C1orf21: variants seen among roughly 807,000 people sequenced by gnomAD.
The protein encoded by C1orf21 is uncharacterized protein C1orf21.
In C1orf21, 3 loss-of-function variants were observed where a neutral mutation model predicts 18.7. The observed-to-expected ratio is 0.16, with a 90% CI of 0.07 to 0.42. The LOEUF is 0.42. C1orf21 is among the 10% of genes least tolerant of loss of function. C1orf21 has a pLI of 0.99. For missense variants in C1orf21, 104 were observed against 143.6 expected, an observed-to-expected ratio of 0.72 and a Z score of 1.41; for synonymous variants, 41 against 46.4, an observed-to-expected ratio of 0.88 and a Z score of 0.47.
chr1:184,552,507 T>G (rs1658826758), intron 3 of C1orf21, among the ~76,000 whole-genome samples: 1 of 152,214 alleles, frequency 6.6e-6, no homozygotes, highest in Non-Finnish European at 1.5e-5. Context: ...TGGATGAAGA[T>G]ATTGCAAGCC....
chr1:184,536,571 T>C (rs1008731022), intron 3 of C1orf21, among the ~76,000 whole-genome samples: 1 of 152,228 alleles, frequency 6.6e-6, no homozygotes, highest in Non-Finnish European at 1.5e-5. Flanking sequence ...AGTTGTCATG[T>C]ACAACTGCGA....
intron 1 of C1orf21, among the ~76,000 whole-genome samples, chr1:184,464,947 T>C (rs886964195): frequency 3.9e-5 from 6 of 152,040 alleles, no homozygotes; most frequent in African/African-American, 1.4e-4. Context: ...CTCTCTCTCT[T>C]TTAAAGAGAG....
At chr1:184,486,709 A>AC (rs1657737582) in intron 2 of C1orf21, among the ~76,000 whole-genome samples, 1 of 152,170 alleles carries the variant, frequency 6.6e-6, no homozygotes, top group African/African-American at 2.4e-5. Flanking sequence ...TAAAAAAAAA[A>AC]TCCAAGTGCT....
chr1:184,393,982 G>C (rs972915822), intron 1 of C1orf21, among the ~76,000 whole-genome samples: 3 of 152,152 alleles, frequency 2.0e-5, no homozygotes, highest in African/African-American at 7.2e-5. Context: ...AGATTCTTTA[G>C]CTAACACCTA....
chr1:184,462,213 T>C (rs1437931067), intron 1 of C1orf21, among the ~76,000 whole-genome samples: 1 of 152,244 alleles, frequency 6.6e-6, no homozygotes, highest in East Asian at 1.9e-4. Flanking sequence ...TAAAAATGGG[T>C]ATTCAGCCTA....
chr1:184,495,087 G>A (rs532847925), intron 2 of C1orf21, among the ~76,000 whole-genome samples: 4 of 152,302 alleles, frequency 2.6e-5, no homozygotes, highest in East Asian at 3.9e-4. Context: ...GAGTGAAGGG[G>A]TTTCAGACAT....
At chr1:184,567,107 G>T in intron 3 of C1orf21, 4 of 476,492 alleles carry the variant, frequency 8.4e-6, no homozygotes, top group South Asian at 6.5e-5. Flanking sequence ...GTACTATGAA[G>T]TATTCCTTCC....
rs111575655 is a variant in C1orf21, at chr1:184,476,906, C to T, written c.-124-480C>T. ...GTACCAGTCTGAGGAGGATGGCTAC[C>T]GTTTCCTGGCAAAATTTGAGGAGCT... On this transcript the variant is annotated intron_variant, in intron 1 of 5. Coordinates refer to ENST00000235307, the MANE Select transcript of C1orf21 (RefSeq NM_030806.4). Among the ~76,000 whole-genome samples, 201 of 152,136 alleles carry T rather than the reference C, an allele frequency of 1.3e-3. 2 individuals are homozygous for T. Among genetic ancestry groups the T allele is most frequent in the African/African-American group, 4.7e-3 (195 of 41,498 alleles).
intron 3 of C1orf21, chr1:184,567,358 T>G: frequency 2.1e-6 from 1 of 481,256 alleles, no homozygotes; most frequent in Non-Finnish European, 4.2e-6. Context: ...TCAGCCATCA[T>G]CAGTCCACCT....
At chr1:184,464,029 A>C (rs982660473) in intron 1 of C1orf21, among the ~76,000 whole-genome samples, 1 of 152,248 alleles carries the variant, frequency 6.6e-6, no homozygotes, top group Non-Finnish European at 1.5e-5. Context: ...GAAAGTACAT[A>C]GTGGGATTAG....
intron 3 of C1orf21, among the ~76,000 whole-genome samples, chr1:184,576,131 C>CT (rs200624324): frequency 0.016 from 2,284 of 144,562 alleles, 31 homozygotes; most frequent in East Asian, 0.048. Flanking sequence ...CTTTTTTTTT[C>CT]TTTTTTTTTT....
intron 3 of C1orf21, among the ~76,000 whole-genome samples, chr1:184,531,017 T>C (rs961638689): frequency 6.6e-6 from 1 of 152,196 alleles, no homozygotes; most frequent in African/African-American, 2.4e-5. Flanking sequence ...CTCTCCTGTT[T>C]TCTCATTAGA....
chr1:184,517,310 C>T (rs1218118674), intron 3 of C1orf21, among the ~76,000 whole-genome samples: 3 of 152,140 alleles, frequency 2.0e-5, no homozygotes, highest in African/African-American at 7.2e-5. Context: ...TTTACTTTTC[C>T]TATGACTCTG....
chr1:184,425,178 G>A (rs568774466), intron 1 of C1orf21, among the ~76,000 whole-genome samples: 12 of 152,208 alleles, frequency 7.9e-5, no homozygotes, highest in African/African-American at 2.2e-4. Context: ...AAGATTAGCC[G>A]TCCTGACCTC....
Position 184,564,859 on chromosome 1 carries a change from C to T in C1orf21, c.190-25880C>T, listed in dbSNP as rs181214034. On this transcript the variant is annotated intron_variant, in intron 3 of 5. Transcript: ENST00000235307. ...TGCCATGTTTCACCTGCTGCTTACA[C>T]GGCACACAGTCCAGAATTAGAAGGT... Among the ~76,000 whole-genome samples, 39 of 152,256 alleles carry T rather than the reference C, an allele frequency of 2.6e-4. No homozygotes were observed. In the South Asian group the frequency reaches 3.1e-3, roughly 12 times the overall value.
At chr1:184,596,135 C>G (rs1473563025) in intron 4 of C1orf21, among the ~76,000 whole-genome samples, 1 of 152,118 alleles carries the variant, frequency 6.6e-6, no homozygotes, top group Non-Finnish European at 1.5e-5. Flanking sequence ...AAAAATGCCC[C>G]CTCTTGTCCC....
At chr1:184,408,457 G>A (rs929700125) in intron 1 of C1orf21, 10 of 152,214 alleles carry the variant, frequency 6.6e-5, no homozygotes, top group Non-Finnish European at 1.5e-5. Context: ...GGCTTGGAGG[G>A]TTTGTGCTTG....
At chr1:184,516,878 G>T (rs1658238446) in intron 3 of C1orf21, among the ~76,000 whole-genome samples, 1 of 152,190 alleles carries the variant, frequency 6.6e-6, no homozygotes, top group African/African-American at 2.4e-5. Flanking sequence ...AGGCATCCCT[G>T]ATCAGATGAA....
chr1:184,531,406 T>C (rs1658461059), intron 3 of C1orf21, among the ~76,000 whole-genome samples: 1 of 152,216 alleles, frequency 6.6e-6, no homozygotes, highest in Non-Finnish European at 1.5e-5. Flanking sequence ...TCCTGCAGTG[T>C]TGATTTTAAT....
Sources: gnomAD v4.1 joint callset for allele counts (sites outside exome capture counted in the v4.1 genomes callset) on GRCh38, gnomAD v4.1.1 for gene constraint, MANE v1.5 for transcripts, NCBI Gene and HGNC (gene_info 2026-07-23, HGNC 2026-07-21) for gene names.